TAFA5: variants seen among roughly 807,000 people sequenced by gnomAD.
TAFA5 encodes chemokine-like protein TAFA-5.
A neutral mutation model predicts 15.3 loss-of-function variants in TAFA5; 6 were observed. That is an observed-to-expected ratio of 0.39 (90% CI 0.21 to 0.77). The LOEUF is 0.77. TAFA5 is among the 30% of genes least tolerant of loss of function. The pLI, the probability that TAFA5 is intolerant of heterozygous loss-of-function variation, is 0.41. For synonymous variants in TAFA5, 103 were observed against 80.7 expected, an observed-to-expected ratio of 1.28 and a Z score of -1.48; for missense variants, 161 against 193.1, an observed-to-expected ratio of 0.83 and a Z score of 0.98.
chr22:48,668,959 G>C (rs574072091), intron 2 of TAFA5, among the ~76,000 whole-genome samples: 1 of 152,240 alleles, frequency 6.6e-6, no homozygotes, highest in Non-Finnish European at 1.5e-5. Context: ...GACCTCCCCA[G>C]ATTCATGTGT....
intron 1 of TAFA5, among the ~76,000 whole-genome samples, chr22:48,521,325 G>A (rs765203446): frequency 1.3e-5 from 2 of 152,142 alleles, no homozygotes; most frequent in East Asian, 1.9e-4. Context: ...GGAGTGGAAG[G>A]TTCCAGATCA....
Position 48,530,262 on chromosome 22 carries a change from C to T in TAFA5, c.112+40558C>T, listed in dbSNP as rs1039969957. Among the ~76,000 whole-genome samples, 2 of 152,140 alleles carry T rather than the reference C, an allele frequency of 1.3e-5. No homozygotes were observed. Among genetic ancestry groups the T allele is most frequent in the East Asian group, 1.9e-4 (1 of 5,190 alleles). ...CCCTCCTGTGACATCCGAGCATGGT[C>T]GTCTGACAAATGGGGCATCAGGAGT... is the stretch of plus-strand genomic sequence containing the variant. On this transcript the variant is annotated intron_variant, in intron 1 of 3. Coordinates refer to ENST00000402357, the MANE Select transcript of TAFA5 (RefSeq NM_001082967.3). The surrounding 1 kb of genome is among the most constrained non-coding windows in gnomAD (Gnocchi z 6.0).
chr22:48,746,035 G>T (rs931953273), intron 3 of TAFA5, among the ~76,000 whole-genome samples: 1 of 152,144 alleles, frequency 6.6e-6, no homozygotes, highest in African/African-American at 2.4e-5. Context: ...AGGAGACAGC[G>T]ATGGGCTGGG....
rs576243032 is a variant in TAFA5 at position 48,519,800 on chromosome 22, C to G, written c.112+30096C>G. On this transcript the variant is annotated intron_variant, in intron 1 of 3. Transcript: ENST00000402357. The stretch of plus-strand genomic sequence containing the variant: ...GCAGGTCCCGTACCTCTTGCCCATC[C>G]CAGTCATGGCTGCACCTTGGACCAG... 8.3e-4 allele frequency among the ~76,000 whole-genome samples: 127 copies of G among 152,290 alleles called. 1 individual carries two copies. Among genetic ancestry groups the G allele is most frequent in the African/African-American group, 3.0e-3 (126 of 41,564 alleles).
At chr22:48,633,425 C>T (rs1475826749) in intron 1 of TAFA5, among the ~76,000 whole-genome samples, 3 of 152,114 alleles carry the variant, frequency 2.0e-5, no homozygotes. Flanking sequence ...CAGCGGGGCT[C>T]ACCACCCACG....
At chr22:48,583,633 C>T (rs1013177066) in intron 1 of TAFA5, among the ~76,000 whole-genome samples, 14 of 3,532 alleles carry the variant, frequency 4.0e-3, no homozygotes, top group Non-Finnish European at 7.2e-3. Flanking sequence ...ATACACCATA[C>T]ACAAACCACA....
intron 1 of TAFA5, among the ~76,000 whole-genome samples, chr22:48,496,746 G>C (rs1928339906): frequency 6.6e-6 from 1 of 152,188 alleles, no homozygotes; most frequent in African/African-American, 2.4e-5. Flanking sequence ...GGGCAGGCGG[G>C]GTGGTCCAGC....
chr22:48,722,580 A>G (rs150617700), intron 3 of TAFA5, among the ~76,000 whole-genome samples: 8 of 152,330 alleles, frequency 5.3e-5, no homozygotes, highest in African/African-American at 1.9e-4. Flanking sequence ...GGGGAGGGAT[A>G]GCATCAGGAG....
At chr22:48,692,501 T>C (rs543690892) in intron 2 of TAFA5, among the ~76,000 whole-genome samples, 1 of 152,336 alleles carries the variant, frequency 6.6e-6, no homozygotes, top group African/African-American at 2.4e-5. Context: ...TGGGTTCAAG[T>C]GATCCTCCTG....
chr22:48,660,626 C>T (rs73891343), intron 2 of TAFA5, among the ~76,000 whole-genome samples: 6,157 of 152,366 alleles, frequency 0.04, 206 homozygotes, highest in East Asian at 0.13. Context: ...ATGTCCCAGG[C>T]GAATTCATCT....
intron 3 of TAFA5, among the ~76,000 whole-genome samples, chr22:48,710,549 C>G (rs1390816578): frequency 6.6e-6 from 1 of 152,150 alleles, no homozygotes; most frequent in Non-Finnish European, 1.5e-5. Context: ...CCCAAGCAGC[C>G]TGCCGCGTCC....
chr22:48,544,339 AG>A (rs1007674647), intron 1 of TAFA5: 1 of 278,232 alleles, frequency 3.6e-6, no homozygotes, highest in African/African-American at 2.2e-5. Flanking sequence ...CTATGGGAGG[AG>A]GCTGCACAGG....
intron 2 of TAFA5, among the ~76,000 whole-genome samples, chr22:48,699,677 T>A (rs193021242): frequency 1.3e-5 from 2 of 152,336 alleles, no homozygotes; most frequent in African/African-American, 4.8e-5. Flanking sequence ...GGGTTCCTGA[T>A]AACTTGCCTA....
chr22:48,568,213 A>G (rs754266668), intron 1 of TAFA5, among the ~76,000 whole-genome samples: 1 of 152,162 alleles, frequency 6.6e-6, no homozygotes, highest in Non-Finnish European at 1.5e-5. Context: ...AGAAAGCAGC[A>G]CCTTCCCCCT....
intron 1 of TAFA5, among the ~76,000 whole-genome samples, chr22:48,539,712 G>A (rs766167205): frequency 6.6e-6 from 1 of 152,218 alleles, no homozygotes; most frequent in Non-Finnish European, 1.5e-5. Context: ...TGTCGCTGGA[G>A]TTCCAGGGCC....
At chr22:48,601,434 C>T (rs1924969849) in intron 1 of TAFA5, among the ~76,000 whole-genome samples, 1 of 152,178 alleles carries the variant, frequency 6.6e-6, no homozygotes, top group African/African-American at 2.4e-5. Flanking sequence ...TCAAGCGATT[C>T]TCCTGCTTCA....
At chr22:48,672,159 C>CAAAGCCA (rs1474954221) in intron 2 of TAFA5, among the ~76,000 whole-genome samples, 1 of 152,236 alleles carries the variant, frequency 6.6e-6, no homozygotes, top group Non-Finnish European at 1.5e-5. Flanking sequence ...TGAGTGTCAA[C>CAAAGCCA]AGCCTTTGTT....
At chr22:48,611,661 G>C (rs1925415330) in intron 1 of TAFA5, among the ~76,000 whole-genome samples, 1 of 152,128 alleles carries the variant, frequency 6.6e-6, no homozygotes, top group South Asian at 2.1e-4. Context: ...GTCCACGTGG[G>C]CTGGCCTTTC....
intron 1 of TAFA5, among the ~76,000 whole-genome samples, chr22:48,522,874 C>T (rs1047772973): frequency 2.0e-5 from 3 of 152,346 alleles, no homozygotes; most frequent in Admixed American, 6.5e-5. Context: ...TCCAGTATAT[C>T]GTGGGTCTGC....
Sources: gnomAD v4.1 joint callset for allele counts (sites outside exome capture counted in the v4.1 genomes callset) on GRCh38, gnomAD v4.1.1 for gene constraint, Gnocchi (gnomAD v3.1) non-coding constraint, MANE v1.5 for transcripts, NCBI Gene and HGNC (gene_info 2026-07-23, HGNC 2026-07-21) for gene names.